The following CNTNAP5 variants were observed in gnomAD, a reference collection of about 807,000 sequenced individuals.
CNTNAP5 encodes contactin-associated protein-like 5.
CNTNAP5 carries 72 observed loss-of-function variants against 150.2 expected under a neutral mutation model. The ratio of observed to expected loss-of-function variants is 0.48; its 90% CI spans 0.40 to 0.58. CNTNAP5 has a LOEUF of 0.58. Ranked by LOEUF, CNTNAP5 falls within the 20% of genes least tolerant of loss-of-function variation. CNTNAP5 has a pLI of 0.00. For synonymous variants in CNTNAP5, 672 were observed against 619.8 expected (o/e 1.08, Z -1.25); for missense variants, 1,636 against 1,626.2 (o/e 1.01, Z -0.10).
intron 1 of CNTNAP5, among the ~76,000 whole-genome samples, chr2:124,101,645 T>C (rs529959979): frequency 6.6e-6 from 1 of 152,236 alleles, no homozygotes; most frequent in African/African-American, 2.4e-5. Context: ...TTTCCCTGCT[T>C]ATAAAAAACA....
intron 14 of CNTNAP5, among the ~76,000 whole-genome samples, chr2:124,760,793 A>G (rs1226152607): frequency 6.6e-6 from 1 of 152,054 alleles, no homozygotes; most frequent in African/African-American, 2.4e-5. Context: ...GAATTTCCAT[A>G]AGTATGTATT....
chr2:124,761,217 A>G (rs1452684881), intron 14 of CNTNAP5, among the ~76,000 whole-genome samples: 1 of 152,064 alleles, frequency 6.6e-6, no homozygotes, highest in Non-Finnish European at 1.5e-5. Flanking sequence ...GATCACCACT[A>G]CCATCACCAC....
At chr2:124,456,112 A>G (rs150377225) in intron 6 of CNTNAP5, among the ~76,000 whole-genome samples, 2 of 152,328 alleles carry the variant, frequency 1.3e-5, no homozygotes, top group Non-Finnish European at 2.9e-5. Flanking sequence ...AACAGTAAAA[A>G]GAAAGTCAAA....
At chr2:124,728,246 A>G (rs1680202134) in intron 13 of CNTNAP5, among the ~76,000 whole-genome samples, 1 of 151,990 alleles carries the variant, frequency 6.6e-6, no homozygotes, top group African/African-American at 2.4e-5. Context: ...TGTTGGCTGC[A>G]ATTTTCTTTG....
intron 21 of CNTNAP5, among the ~76,000 whole-genome samples, chr2:124,870,054 T>C (rs1677712401): frequency 6.6e-6 from 1 of 152,140 alleles, no homozygotes; most frequent in South Asian, 2.1e-4. Context: ...TTTTACTTAA[T>C]TTTAACTTAA....
At chr2:124,434,192 G>A (rs570918937) in intron 4 of CNTNAP5, among the ~76,000 whole-genome samples, 2 of 152,188 alleles carry the variant, frequency 1.3e-5, no homozygotes, top group South Asian at 2.1e-4. Flanking sequence ...AGGTACTTGC[G>A]GTATTTTCAC....
intron 13 of CNTNAP5, among the ~76,000 whole-genome samples, chr2:124,675,610 C>A (rs1021158638): frequency 9.9e-5 from 15 of 152,116 alleles, no homozygotes; most frequent in Admixed American, 2.6e-4. Flanking sequence ...CAATCGTATA[C>A]AAAAGCTTTT....
intron 21 of CNTNAP5, among the ~76,000 whole-genome samples, chr2:124,877,540 C>A (rs1203983534): frequency 6.6e-6 from 1 of 152,126 alleles, no homozygotes; most frequent in Non-Finnish European, 1.5e-5. Flanking sequence ...ATATAAACTT[C>A]AAATTCGTTC....
At chr2:124,702,936 C>T (rs1679553076) in intron 13 of CNTNAP5, among the ~76,000 whole-genome samples, 1 of 152,138 alleles carries the variant, frequency 6.6e-6, no homozygotes, top group Admixed American at 6.6e-5. Context: ...ACATAACCAT[C>T]TGATATGCTT....
Position 124,692,985 on chromosome 2 carries a change from G to GT in CNTNAP5, c.2077+45035dup, listed in dbSNP as rs908703654. Among the ~76,000 whole-genome samples the GT allele has an allele frequency of 9.9e-5, 15 of 151,894 alleles. No homozygotes were observed. In the South Asian group the frequency reaches 1.5e-3, roughly 15 times the overall value. ...CTTCAGAAATCAAAGAATTCTTTGTGTTTTTTTTCCTGTGACATATGAATC... is the reference window on the plus strand; with the variant it reads ...CTTCAGAAATCAAAGAATTCTTTGTGTTTTTTTTTCCTGTGACATATGAATC... On this transcript the variant is annotated intron_variant, in intron 13 of 23. Coordinates refer to ENST00000682447, the MANE Select transcript of CNTNAP5 (RefSeq NM_001367498.1).
At chr2:124,223,213 T>C (rs560844804) in intron 2 of CNTNAP5, among the ~76,000 whole-genome samples, 1 of 152,274 alleles carries the variant, frequency 6.6e-6, no homozygotes, top group African/African-American at 2.4e-5. Context: ...TCAAAGTTCG[T>C]GTTTATATTC....
chr2:124,069,627 C>T (rs957068572), intron 1 of CNTNAP5, among the ~76,000 whole-genome samples: 7 of 152,220 alleles, frequency 4.6e-5, no homozygotes, highest in African/African-American at 1.7e-4. Flanking sequence ...CCCCTAGCTC[C>T]AGGCAGCTCA....
intron 3 of CNTNAP5, among the ~76,000 whole-genome samples, chr2:124,256,621 A>C (rs946952541): frequency 5.3e-5 from 8 of 152,324 alleles, no homozygotes; most frequent in Admixed American, 4.6e-4. Context: ...ATTTTTATTA[A>C]AAGCAAAATG....
chr2:124,597,819 A>G (rs1696868385), intron 11 of CNTNAP5, among the ~76,000 whole-genome samples: 1 of 150,054 alleles, frequency 6.7e-6, no homozygotes, highest in South Asian at 2.1e-4. Flanking sequence ...ATAGTCCCAT[A>G]TTTCTTGGAG....
chr2:124,841,413 G>A (rs1426552526), intron 19 of CNTNAP5, among the ~76,000 whole-genome samples: 4 of 150,178 alleles, frequency 2.7e-5, no homozygotes. Flanking sequence ...CTTTGGACAT[G>A]CTCTTTCATT....
At chr2:124,189,716 C>T (rs1685416907) in intron 1 of CNTNAP5, among the ~76,000 whole-genome samples, 2 of 152,178 alleles carry the variant, frequency 1.3e-5, no homozygotes, top group Admixed American at 6.5e-5. Context: ...CAGAGGTCTA[C>T]ACCTTAAGAA....
chr2:124,901,458 G>A (rs1435024378), intron 21 of CNTNAP5, among the ~76,000 whole-genome samples: 2 of 152,134 alleles, frequency 1.3e-5, no homozygotes, highest in Admixed American at 6.6e-5. Context: ...AAGGCACAGA[G>A]AAATGTAACA....
intron 1 of CNTNAP5, among the ~76,000 whole-genome samples, chr2:124,178,689 G>A (rs1357548495): frequency 1.3e-5 from 2 of 152,104 alleles, no homozygotes; most frequent in Non-Finnish European, 2.9e-5. Context: ...GAACTGAAGT[G>A]TTTTTGTTGT....
intron 11 of CNTNAP5, among the ~76,000 whole-genome samples, chr2:124,582,929 A>C (rs899122084): frequency 3.9e-5 from 6 of 152,188 alleles, no homozygotes; most frequent in Admixed American, 1.3e-4. Context: ...TAAGTAATTC[A>C]GTTTTTCCTC....
Sources: allele counts gnomAD v4.1 joint callset (sites outside exome capture counted in the v4.1 genomes callset), GRCh38; gene constraint gnomAD v4.1.1; transcripts MANE v1.5; gene names NCBI Gene and HGNC (gene_info 2026-07-23, HGNC 2026-07-21).